Variants in INO80 observed in about 807,000 individuals in gnomAD.
The protein encoded by INO80 is chromatin-remodeling ATPase INO80.
In INO80, 20 loss-of-function variants were observed where a neutral mutation model predicts 203.4. The observed-to-expected ratio is 0.10, with a 90% CI of 0.07 to 0.14. The LOEUF (loss-of-function observed/expected upper bound fraction) is 0.14. Ranked by LOEUF, INO80 falls within the 10% of genes least tolerant of loss-of-function variation. The pLI is 1.00. For synonymous variants in INO80, 726 were observed against 685.2 expected (o/e 1.06, Z -0.93); for missense variants, 1,419 against 1,914.4 (o/e 0.74, Z 4.83).
chr15:40,987,403 G>A (rs2043752549), intron 30 of INO80, among the ~76,000 whole-genome samples: 1 of 152,072 alleles, frequency 6.6e-6, no homozygotes, highest in Admixed American at 6.5e-5. Context: ...TCTTTGCTTG[G>A]AACTGCTAAC....
In INO80 at chr15:40,987,210, C is replaced by T. The variant is rs761920733; in HGVS notation, c.3730-17G>A. ...CCGCTGAATCTACACCAAAGCAGAT[C>T]AAAATGTCACCTCCAGGCATCCATT... is the stretch of plus-strand genomic sequence containing the variant. On this transcript the variant is annotated splice_polypyrimidine_tract_variant and intron_variant, in intron 30 of 35. Coordinates refer to ENST00000648947, the MANE Select transcript of INO80 (RefSeq NM_017553.3). 2.8e-6 allele frequency: 4 copies of T among 1,451,488 alleles called. No individual in the cohort carries two copies. In the South Asian group the frequency reaches 4.6e-5, roughly 17 times the overall value. 89.9% of individuals were successfully genotyped at this position (1,451,488 alleles called of 1,614,324 possible). A position where few individuals can be genotyped will look rare whatever the true frequency, so the allele number is the denominator to read the frequency against.
Position 40,987,190 on chromosome 15 carries a change from G to C in INO80, c.3733C>G (p.Gln1245Glu). ...TTCCCACCTGAAATCACCATCCGCT[G>C]AATCTACACCAAAGCAGATCAAAAT... ...LQRAKEKSEI[Q>E]RMVISGGNFK... The change falls in exon 31 of 36, where the codon CAG (glutamine) becomes GAG (glutamate). Residue 1245 changes from glutamine to glutamate, a missense_variant. This residue lies in a region of INO80 where 65 missense variants were observed against 186.7 expected (regional missense o/e 0.35). Coordinates refer to ENST00000648947, the MANE Select transcript of INO80 (RefSeq NM_017553.3). The C allele has an allele frequency of 6.3e-7, 1 of 1,593,748 alleles. No individual in the cohort carries two copies. Among genetic ancestry groups the C allele is most frequent in the South Asian group, 1.1e-5 (1 of 90,518 alleles).
At position 40,979,919 on chromosome 15, in the gene INO80, T is replaced by G; in HGVS notation, c.*304A>C. 1 of 408,610 alleles carries G rather than the reference T, an allele frequency of 2.4e-6. No individual in the cohort carries two copies. Among genetic ancestry groups the G allele is most frequent in the East Asian group, 4.8e-5 (1 of 20,890 alleles). 25.3% of individuals were successfully genotyped at this position (408,610 alleles called of 1,614,324 possible). A position where few individuals can be genotyped will look rare whatever the true frequency, so the allele number is the denominator to read the frequency against. ...GATGGAAACAGTATGCCTGAGCATC[T>G]AAAGGGGGTCTGTGTCAGGCTTGCC... is the stretch of plus-strand genomic sequence containing the variant. On this transcript the variant is annotated 3_prime_UTR_variant, in exon 36 of 36. Coordinates refer to ENST00000648947, the MANE Select transcript of INO80 (RefSeq NM_017553.3).
At chr15:40,985,275 A>G in intron 32 of INO80, 63 bp downstream of exon 32, 1 of 1,173,370 alleles carries the variant, frequency 8.5e-7, no homozygotes, top group East Asian at 2.3e-5. Context: ...TGTACCCCAA[A>G]GCCTTTTTGG....
chr15:41,060,435 A>T (rs1478218395), intron 14 of INO80, among the ~76,000 whole-genome samples: 1 of 151,878 alleles, frequency 6.6e-6, no homozygotes, highest in Non-Finnish European at 1.5e-5. Context: ...AAAATACAAA[A>T]ATTAGCCGGG....
chr15:41,070,142 A>C (rs1189537623), intron 13 of INO80, among the ~76,000 whole-genome samples: 3 of 152,242 alleles, frequency 2.0e-5, no homozygotes, highest in Non-Finnish European at 2.9e-5. Context: ...TAAATTGCCC[A>C]AGTTTACACT....
chr15:41,104,206 CAAAAAAAAA>C lies in INO80; in HGVS notation c.-43-7862_-43-7854del, dbSNP rs35510472. ...GGGCAATGAGAGCAAAACTCCATCTCAAAAAAAAAAAAAAAAAAAAAAAAAGTAATAAAA... is the reference window on the plus strand; with the variant it reads ...GGGCAATGAGAGCAAAACTCCATCTCAAAAAAAAAAAAAAAAGTAATAAAA... On this transcript the variant is annotated intron_variant, in intron 1 of 35. Coordinates refer to ENST00000648947, the MANE Select transcript of INO80 (RefSeq NM_017553.3). Among the ~76,000 whole-genome samples, 35 of 41,526 alleles carry C rather than the reference CAAAAAAAAA, an allele frequency of 8.4e-4. No individual in the cohort carries two copies. The East Asian group carries it at 0.018, about 21-fold the overall frequency. 27.2% of individuals were successfully genotyped at this position (41,526 alleles called of 152,430 possible). A position where few individuals can be genotyped will look rare whatever the true frequency, so the allele number is the denominator to read the frequency against.
intron 23 of INO80, among the ~76,000 whole-genome samples, chr15:41,045,729 C>CA (rs1040685675): frequency 8.4e-5 from 12 of 142,322 alleles, no homozygotes; most frequent in East Asian, 8.3e-4. Flanking sequence ...CTCACCTCTA[C>CA]AAAAAAAAAA....
intron 25 of INO80, among the ~76,000 whole-genome samples, chr15:41,024,956 C>T (rs1481906795): frequency 6.6e-6 from 1 of 152,114 alleles, no homozygotes; most frequent in Non-Finnish European, 1.5e-5. Flanking sequence ...AGTTGTAGAT[C>T]TGTGTATGAA....
chr15:41,058,570 CGTGTGTGTGTGTGTGTGTGT>C, intron 16 of INO80, 49 bp downstream of exon 16: 2 of 542,728 alleles, frequency 3.7e-6, no homozygotes, highest in Non-Finnish European at 6.0e-6. Context: ...TGTGTGTGTG[CGTGTGTGTGTGTGTGTGTGT>C]GTGTACTTAA....
At chr15:40,984,539 CAGTCG>C (rs1893950014) in intron 32 of INO80, among the ~76,000 whole-genome samples, 187 bp from the exon 33 acceptor site, 1 of 151,716 alleles carries the variant, frequency 6.6e-6, no homozygotes, top group Admixed American at 6.6e-5. Flanking sequence ...GTGTGTATTT[CAGTCG>C]AGTACTGTGG....
At chr15:41,109,697 C>G (rs1352843066) in intron 1 of INO80, among the ~76,000 whole-genome samples, 2 of 149,982 alleles carry the variant, frequency 1.3e-5, no homozygotes, top group African/African-American at 4.9e-5. Context: ...TTTGGGAGGC[C>G]GAGGCAGATG....
chr15:41,073,431 A>G lies in INO80; in HGVS notation c.1392T>C (p.Ala464=). 1 of 1,613,662 alleles carries G rather than the reference A, an allele frequency of 6.2e-7. No individual in the cohort carries two copies. The highest frequency in any genetic ancestry group is 8.5e-7 in the Non-Finnish European group (1 of 1,179,570). The part of the protein sequence containing the change: ...NAENAYHIHQ[A]RTRSFDEDAK... ...ACCTTTCTATCTGAAGACTCACCCG[A>G]GCTTGGTGAATATGGTAAGCATTTT... The change falls in exon 11 of 36, where the codon GCT becomes GCC. Residue 464 remains alanine, a synonymous_variant. Coordinates refer to ENST00000648947, the MANE Select transcript of INO80 (RefSeq NM_017553.3).
At chr15:40,992,253 A>G (rs2043826150) in intron 29 of INO80, among the ~76,000 whole-genome samples, 1 of 152,266 alleles carries the variant, frequency 6.6e-6, no homozygotes, top group South Asian at 2.1e-4. Context: ...CATTCTCACT[A>G]CACATAAGCA....
intron 28 of INO80, among the ~76,000 whole-genome samples, chr15:41,000,302 G>A (rs1446482355): frequency 6.6e-6 from 1 of 152,122 alleles, no homozygotes; most frequent in Non-Finnish European, 1.5e-5. Context: ...GCATGGGGTA[G>A]GCGTCAGGGA....
At position 41,031,978 on chromosome 15, in the gene INO80, C is replaced by CACAGG. The variant is rs2044486512; in HGVS notation, c.2908-4243_2908-4242insCCTGT. Among the ~76,000 whole-genome samples the CACAGG allele has an allele frequency of 1.1e-4, 9 of 81,174 alleles. 1 individual carries two copies. Among genetic ancestry groups the CACAGG allele is most frequent in the Admixed American group, 3.8e-4 (3 of 7,832 alleles). 53.3% of individuals were successfully genotyped at this position (81,174 alleles called of 152,430 possible). On this transcript the variant is annotated intron_variant, in intron 24 of 35. Transcript: ENST00000648947. ...CACAGCACAGGACAGCACAGCACAG[C>CACAGG]ACAGCACAGCACAGCACAGGACAGC...
chr15:41,067,161 C>T (rs1352718235), intron 14 of INO80, among the ~76,000 whole-genome samples: 1 of 152,140 alleles, frequency 6.6e-6, no homozygotes, highest in Non-Finnish European at 1.5e-5. Context: ...ACTGCAAACT[C>T]TGCCCCCCGG....
At chr15:41,044,178 T>C (rs1566925379) in intron 24 of INO80, among the ~76,000 whole-genome samples, 1 of 152,244 alleles carries the variant, frequency 6.6e-6, no homozygotes, top group Non-Finnish European at 1.5e-5. Context: ...TACTTGACAG[T>C]GTAGCAATTC....
In INO80 at chr15:41,022,765, AAAC is replaced by A. The variant is rs1252895215; in HGVS notation, c.3049-1643_3049-1641del. ...AGTTCACAACAAAAATAGTTTATCCAAACAATACTAGAATCTCATATCACCTTT... is the reference window on the plus strand; with the variant it reads ...AGTTCACAACAAAAATAGTTTATCCAAATACTAGAATCTCATATCACCTTT... On this transcript the variant is annotated intron_variant, in intron 25 of 35. Coordinates refer to ENST00000648947, the MANE Select transcript of INO80 (RefSeq NM_017553.3). Among the ~76,000 whole-genome samples the A allele has an allele frequency of 3.3e-5, 5 of 152,316 alleles. No homozygotes were observed. In the East Asian group the frequency reaches 9.6e-4, roughly 29 times the overall value.
Sources: gnomAD v4.1 joint callset for allele counts (sites outside exome capture counted in the v4.1 genomes callset) on GRCh38, gnomAD v4.1.1 for gene constraint, gnomAD v4.1.1 regional missense constraint, MANE v1.5 for transcripts, NCBI Gene and HGNC (gene_info 2026-07-23, HGNC 2026-07-21) for gene names.